Variants in ELAVL4 observed in about 807,000 individuals in gnomAD.
The protein encoded by ELAVL4 is ELAV like RNA binding protein 4, also known as ELAV-like protein 4.
ELAVL4 carries 1 observed loss-of-function variant against 35.6 expected under a neutral mutation model. The ratio of observed to expected loss-of-function variants is 0.03; its 90% CI spans 0.01 to 0.13. The LOEUF is 0.13. Ranked by LOEUF, ELAVL4 falls within the 10% of genes least tolerant of loss-of-function variation. ELAVL4 has a pLI of 1.00. For missense variants in ELAVL4, 267 were observed against 464.9 expected (o/e 0.57, Z 3.91); for synonymous variants, 156 against 171.0 (o/e 0.91, Z 0.69).
chr1:50,129,198 C>T (rs1269598510), intron 1 of ELAVL4, among the ~76,000 whole-genome samples: 2 of 152,134 alleles, frequency 1.3e-5, no homozygotes, highest in Non-Finnish European at 2.9e-5. Context: ...TATCTCTACA[C>T]TTCCCACCAC....
chr1:50,172,366 A>G (rs1679169802), intron 2 of ELAVL4, among the ~76,000 whole-genome samples: 1 of 152,244 alleles, frequency 6.6e-6, no homozygotes. Flanking sequence ...AGATTCAAAA[A>G]GCCTCTGATA....
intron 1 of ELAVL4, among the ~76,000 whole-genome samples, chr1:50,133,078 G>T (rs10493151): frequency 0.069 from 10,512 of 152,096 alleles, 823 homozygotes; most frequent in East Asian, 0.42. Context: ...ACTGCACAAT[G>T]AGTTATTTAG....
At chr1:50,068,682 G>A (rs1260747238) in intron 1 of ELAVL4, among the ~76,000 whole-genome samples, 1 of 152,194 alleles carries the variant, frequency 6.6e-6, no homozygotes, top group East Asian at 1.9e-4. Flanking sequence ...GATATAGTAG[G>A]TGATTAAGAA....
intron 2 of ELAVL4, among the ~76,000 whole-genome samples, chr1:50,156,414 C>A (rs1048167880): frequency 5.9e-5 from 9 of 152,122 alleles, no homozygotes; most frequent in Non-Finnish European, 1.0e-4. Context: ...TAACTCCTAA[C>A]CACTTCTCAT....
At chr1:50,164,245 T>A (rs1677334597) in intron 2 of ELAVL4, among the ~76,000 whole-genome samples, 2 of 152,164 alleles carry the variant, frequency 1.3e-5, no homozygotes, top group Admixed American at 1.3e-4. Flanking sequence ...TTTAAAGGGA[T>A]CTTATGGGTC....
At chr1:50,175,482 A>T (rs1277068794) in intron 2 of ELAVL4, 1 of 152,038 alleles carries the variant, frequency 6.6e-6, no homozygotes, top group Non-Finnish European at 1.5e-5. Context: ...CAGCAGCTGG[A>T]GTGCACCCAG....
chr1:50,094,898 C>G (rs1226861941), intron 1 of ELAVL4, among the ~76,000 whole-genome samples: 2 of 151,990 alleles, frequency 1.3e-5, no homozygotes, highest in Non-Finnish European at 2.9e-5. Context: ...CCATTGCACT[C>G]TATCCTGGGC....
At chr1:50,164,072 A>G (rs1677302121) in intron 2 of ELAVL4, among the ~76,000 whole-genome samples, 1 of 152,158 alleles carries the variant, frequency 6.6e-6, no homozygotes, top group Non-Finnish European at 1.5e-5. Context: ...TACCTGCTTC[A>G]GAGGGTTGTA....
intron 1 of ELAVL4, among the ~76,000 whole-genome samples, chr1:50,075,824 GAGAGAGAC>G (rs1018327759): frequency 8.5e-5 from 13 of 152,142 alleles, no homozygotes; most frequent in East Asian, 5.8e-4. Context: ...TAGATAGAGA[GAGAGAGAC>G]AGAGAGACAG....
chr1:50,079,684 A>G (rs1412839258), intron 1 of ELAVL4, among the ~76,000 whole-genome samples: 2 of 152,246 alleles, frequency 1.3e-5, no homozygotes, highest in Admixed American at 1.3e-4. Flanking sequence ...CAAGAAACCA[A>G]GTTGGTTAAC....
intron 1 of ELAVL4, among the ~76,000 whole-genome samples, chr1:50,094,534 C>T (rs1665630069): frequency 6.6e-6 from 1 of 152,144 alleles, no homozygotes; most frequent in Admixed American, 6.5e-5. Flanking sequence ...TCCCAGCCCT[C>T]TCTCAGTATT....
At chr1:50,068,987 A>G (rs1664391254) in intron 1 of ELAVL4, among the ~76,000 whole-genome samples, 1 of 152,198 alleles carries the variant, frequency 6.6e-6, no homozygotes, top group African/African-American at 2.4e-5. Context: ...ACATTTATTT[A>G]TTTTAGAGAG....
intron 1 of ELAVL4, among the ~76,000 whole-genome samples, chr1:50,075,485 A>G (rs747928911): frequency 6.6e-6 from 1 of 152,154 alleles, no homozygotes; most frequent in Non-Finnish European, 1.5e-5. Context: ...AAGAGGAAGG[A>G]GAAGGGGAAG....
intron 1 of ELAVL4, chr1:50,048,218 C>T: frequency 6.7e-7 from 1 of 1,499,150 alleles, no homozygotes; most frequent in Non-Finnish European, 8.9e-7. Flanking sequence ...GCACCCCCGA[C>T]TCTGCCCGCC....
chr1:50,144,753 A>G (rs1237079132), intron 1 of ELAVL4: 13 of 792,838 alleles, frequency 1.6e-5, no homozygotes, highest in Admixed American at 7.0e-5. Flanking sequence ...TTCAAAATCT[A>G]TGGGCTGGCC....
chr1:50,114,079 C>T (rs1173568198), intron 1 of ELAVL4, among the ~76,000 whole-genome samples: 3 of 152,070 alleles, frequency 2.0e-5, no homozygotes, highest in Non-Finnish European at 4.4e-5. Context: ...ACCCTGCAGT[C>T]TGTTAGTAAC....
intron 1 of ELAVL4, among the ~76,000 whole-genome samples, chr1:50,089,857 G>A (rs1665412956): frequency 6.6e-6 from 1 of 152,218 alleles, no homozygotes; most frequent in Admixed American, 6.5e-5. Context: ...ACCATCAGGG[G>A]TGGGAAGGAT....
intron 1 of ELAVL4, among the ~76,000 whole-genome samples, chr1:50,142,665 G>T (rs192067643): frequency 8.5e-5 from 13 of 152,288 alleles, no homozygotes; most frequent in Admixed American, 7.2e-4. Flanking sequence ...ATACTCTGCT[G>T]GTGGGAATAT....
Position 50,087,485 on chromosome 1 carries a change from T to C in ELAVL4, c.18+39303T>C, listed in dbSNP as rs552911398. ...TTTTAAACTTAGCTAAAATAACCTA[T>C]TGAAGATAAATATATTTTAATTTTT... is the stretch of plus-strand genomic sequence containing the variant. On this transcript the variant is annotated intron_variant, in intron 1 of 6. Coordinates refer to the ELAVL4 transcript ENST00000448907. Among the ~76,000 whole-genome samples, 120 of 152,314 alleles carry C rather than the reference T, an allele frequency of 7.9e-4. 1 individual carries two copies. The highest frequency in any genetic ancestry group is 2.7e-3 in the African/African-American group (114 of 41,574).
Sources: allele counts gnomAD v4.1 joint callset (sites outside exome capture counted in the v4.1 genomes callset), GRCh38; gene constraint gnomAD v4.1.1; transcripts MANE v1.5; gene names NCBI Gene and HGNC (gene_info 2026-07-23, HGNC 2026-07-21).